The following ADAMTS20 variants were observed in gnomAD, a reference collection of about 807,000 sequenced individuals.
The protein encoded by ADAMTS20 is ADAM metallopeptidase with thrombospondin type 1 motif 20.
Under a neutral mutation model 260.1 loss-of-function variants are expected in ADAMTS20, and 225 were observed. That is an observed-to-expected ratio of 0.87 (90% CI 0.78 to 0.97). The LOEUF is 0.97. ADAMTS20 is among the 50% of genes least tolerant of loss of function. The pLI, the probability that ADAMTS20 is intolerant of heterozygous loss-of-function variation, is 0.00. For missense variants in ADAMTS20, 2,400 were observed against 2,337.7 expected, an observed-to-expected ratio of 1.03 and a Z score of -0.55; for synonymous variants, 802 against 769.5, an observed-to-expected ratio of 1.04 and a Z score of -0.70.
At chr12:43,378,270 C>A (rs1193261164) in intron 31 of ADAMTS20, among the ~76,000 whole-genome samples, 2 of 152,184 alleles carry the variant, frequency 1.3e-5, no homozygotes, top group African/African-American at 4.8e-5. Context: ...GAAAAACTTT[C>A]CAGGTCTTGG....
intron 11 of ADAMTS20, 65 bp downstream of exon 11, chr12:43,462,830 A>C (rs944104502): frequency 7.1e-5 from 95 of 1,328,700 alleles, no homozygotes; most frequent in Non-Finnish European, 7.7e-5. Flanking sequence ...AGAGTGCTAA[A>C]ATGCAGAGCA....
rs1386575265 is a variant in ADAMTS20, at chr12:43,552,032, G to C, written c.-111C>G. The C allele has an allele frequency of 9.0e-6, 8 of 887,790 alleles. No homozygotes were observed. The highest frequency in any genetic ancestry group is 5.1e-5 in the East Asian group (2 of 38,934). The allele number at this position is 887,790 out of a possible 1,614,324, so 55.0% of individuals were successfully genotyped here. A position where few individuals can be genotyped will look rare whatever the true frequency, so the allele number is the denominator to read the frequency against. On this transcript the variant is annotated 5_prime_UTR_variant, in exon 1 of 39. Coordinates refer to ENST00000389420, the MANE Select transcript of ADAMTS20 (RefSeq NM_025003.5). ...CTCCCTCTCGCCCGCCGCTCTCCGC[G>C]CCTCAGCAGCCTAGGGAACAGCAGC...
intron 7 of ADAMTS20, among the ~76,000 whole-genome samples, chr12:43,486,829 T>G (rs7964685): frequency 0.7 from 106,145 of 152,052 alleles, 37,404 homozygotes; most frequent in East Asian, 1. Flanking sequence ...AAAATGCTCA[T>G]CATTACTAAT....
chr12:43,415,498 A>G (rs1171101617), intron 28 of ADAMTS20, among the ~76,000 whole-genome samples: 2 of 152,242 alleles, frequency 1.3e-5, no homozygotes, highest in Admixed American at 1.3e-4. Context: ...AGGAAAAATA[A>G]TATATACTTA....
At chr12:43,394,800 G>C (rs1359181855) in intron 29 of ADAMTS20, among the ~76,000 whole-genome samples, 1 of 151,924 alleles carries the variant, frequency 6.6e-6, no homozygotes, top group Admixed American at 6.6e-5. Flanking sequence ...TCAAATCCCT[G>C]CCCCCAACAT....
At chr12:43,412,367 T>C (rs1941047791) in intron 28 of ADAMTS20, among the ~76,000 whole-genome samples, 1 of 152,236 alleles carries the variant, frequency 6.6e-6, no homozygotes, top group Non-Finnish European at 1.5e-5. Flanking sequence ...GCAATGTATA[T>C]GCACAACAAA....
At chr12:43,356,191 T>C (rs1278659746) in intron 38 of ADAMTS20, among the ~76,000 whole-genome samples, 2 of 152,162 alleles carry the variant, frequency 1.3e-5, no homozygotes, top group Admixed American at 1.3e-4. Flanking sequence ...AGCTCCAAAC[T>C]TGAGATAGAC....
intron 22 of ADAMTS20, among the ~76,000 whole-genome samples, chr12:43,430,688 A>C (rs1008811775): frequency 6.6e-6 from 1 of 152,198 alleles, no homozygotes; most frequent in African/African-American, 2.4e-5. Context: ...AAACTGTACA[A>C]CAATTAATGT....
intron 11 of ADAMTS20, among the ~76,000 whole-genome samples, chr12:43,454,511 A>G (rs1313561705): frequency 6.6e-6 from 1 of 152,210 alleles, no homozygotes; most frequent in Non-Finnish European, 1.5e-5. Context: ...GGAAACTTAC[A>G]GAAGAATCTA....
At chr12:43,481,731 TA>T (rs1164269839) in intron 7 of ADAMTS20, among the ~76,000 whole-genome samples, 4 of 152,350 alleles carry the variant, frequency 2.6e-5, no homozygotes, top group African/African-American at 9.6e-5. Context: ...TTTTTTGTTT[TA>T]TTTTTTTTCT....
intron 14 of ADAMTS20, among the ~76,000 whole-genome samples, chr12:43,449,106 C>G (rs1941816818): frequency 6.6e-6 from 1 of 152,112 alleles, no homozygotes; most frequent in Non-Finnish European, 1.5e-5. Context: ...AACTGAACTA[C>G]CATTCAACTC....
At chr12:43,504,446 T>C (rs1942814095) in intron 3 of ADAMTS20, among the ~76,000 whole-genome samples, 1 of 152,216 alleles carries the variant, frequency 6.6e-6, no homozygotes, top group Admixed American at 6.5e-5. Context: ...TTTTAAAATT[T>C]ATCTCAGTGG....
intron 18 of ADAMTS20, 37 bp downstream of exon 18, chr12:43,439,585 C>G (rs1223929156): frequency 6.3e-7 from 1 of 1,576,634 alleles, no homozygotes; most frequent in East Asian, 2.2e-5. Context: ...CCAGAATGCA[C>G]AGTCAGTCTT....
chr12:43,365,772 T>C (rs1340718631), intron 37 of ADAMTS20, among the ~76,000 whole-genome samples: 2 of 151,986 alleles, frequency 1.3e-5, no homozygotes, highest in Non-Finnish European at 2.9e-5. Flanking sequence ...AGGTCATTTA[T>C]AGTAGTACTG....
At chr12:43,431,642 A>C (rs1941445659) in intron 21 of ADAMTS20, 146 bp from the exon 22 acceptor site, 5 of 928,976 alleles carry the variant, frequency 5.4e-6, no homozygotes, top group Non-Finnish European at 8.2e-6. Context: ...AGAGATATTC[A>C]CTGGGTAAAA....
At chr12:43,496,961 T>C (rs1942686565) in intron 4 of ADAMTS20, among the ~76,000 whole-genome samples, 1 of 152,170 alleles carries the variant, frequency 6.6e-6, no homozygotes, top group Non-Finnish European at 1.5e-5. Flanking sequence ...AGGACTAATA[T>C]TCCATTCCAT....
intron 37 of ADAMTS20, among the ~76,000 whole-genome samples, chr12:43,365,744 C>T (rs184631427): frequency 6.6e-6 from 1 of 151,588 alleles, no homozygotes; most frequent in East Asian, 1.9e-4. Flanking sequence ...ACAAACATAG[C>T]AGAAAAAGAG....
At chr12:43,405,642 A>G (rs758797217) in intron 28 of ADAMTS20, among the ~76,000 whole-genome samples, 6 of 151,992 alleles carry the variant, frequency 3.9e-5, no homozygotes, top group South Asian at 4.1e-4. Flanking sequence ...TTAGTCCTCT[A>G]TTGTTGTTAT....
chr12:43,454,035 T>C lies in ADAMTS20; in HGVS notation c.1632A>G (p.Leu544=). Residue 544 remains leucine (L), a synonymous_variant, in exon 12 of 39, where the codon CTA becomes CTG. Coordinates refer to ENST00000389420, the MANE Select transcript of ADAMTS20 (RefSeq NM_025003.5). The stretch of plus-strand genomic sequence containing the variant: ...GTGTTTCCGTTTCTTTGTTTACACA[T>C]AGCCCATGACGGCAATGCTATAAAA... ...CGPGMHCRHG[L]CVNKETETRP... 1.2e-6 allele frequency: 2 copies of C among 1,613,714 alleles called. No homozygotes were observed. Among genetic ancestry groups the C allele is most frequent in the Non-Finnish European group, 1.7e-6 (2 of 1,179,768 alleles).
Sources: allele counts gnomAD v4.1 joint callset (sites outside exome capture counted in the v4.1 genomes callset), GRCh38; gene constraint gnomAD v4.1.1; transcripts MANE v1.5; gene names NCBI Gene and HGNC (gene_info 2026-07-23, HGNC 2026-07-21).